The following NECAB2 variants were observed in gnomAD, a reference collection of about 807,000 sequenced individuals.
NECAB2 encodes the protein N-terminal EF-hand calcium binding protein 2.
Under a neutral mutation model 51.9 loss-of-function variants are expected in NECAB2, and 68 were observed. That is an observed-to-expected ratio of 1.31 (90% CI 1.08 to 1.60). The LOEUF (loss-of-function observed/expected upper bound fraction) is 1.60, where lower values mean the gene tolerates loss of function less well. Ranked by LOEUF, NECAB2 falls within the 40% of genes most tolerant of loss-of-function variation. The probability of loss-of-function intolerance (pLI) is 0.00; values close to 1 mark genes in which losing one functional copy is unlikely to be tolerated. For synonymous variants in NECAB2, 329 were observed against 203.5 expected, an observed-to-expected ratio of 1.62 and a Z score of -5.25; for missense variants, 854 against 490.3, an observed-to-expected ratio of 1.74 and a Z score of -7.00.
At chr16:83,982,931 C>CA (rs1328965146) in intron 5 of NECAB2, among the ~76,000 whole-genome samples, 2 of 151,170 alleles carry the variant, frequency 1.3e-5, no homozygotes, top group African/African-American at 4.9e-5. Flanking sequence ...TGCAGTGATA[C>CA]AATGTCGCCT....
Position 83,995,287 on chromosome 16 carries a change from G to A in NECAB2, c.795+599G>A, listed in dbSNP as rs151019411. On this transcript the variant is annotated intron_variant, in intron 8 of 12. Transcript: ENST00000305202. ...TTGTCTTAGGGCCTACAGACAGATG[G>A]GCTCAGGTATCAGTCAGAATTCTGG... 3.8e-3 allele frequency among the ~76,000 whole-genome samples: 580 copies of A among 152,244 alleles called. 4 individuals are homozygous for A. The highest frequency in any genetic ancestry group is 0.014 in the African/African-American group (562 of 41,522).
intron 1 of NECAB2, among the ~76,000 whole-genome samples, chr16:83,970,850 T>C (rs770986528): frequency 9.2e-5 from 14 of 152,150 alleles, no homozygotes; most frequent in Non-Finnish European, 1.3e-4. Flanking sequence ...CCCAGCACTT[T>C]GGGAGGCCGA....
intron 1 of NECAB2, chr16:83,971,783 T>C (rs2084349473): frequency 2.6e-6 from 1 of 385,040 alleles, no homozygotes; most frequent in Non-Finnish European, 4.7e-6. Flanking sequence ...CCTGGGACAC[T>C]GATTCGGAGT....
intron 5 of NECAB2, 145 bp downstream of exon 5, chr16:83,981,272 A>G: frequency 1.5e-6 from 1 of 677,844 alleles, no homozygotes; most frequent in Non-Finnish European, 2.6e-6. Flanking sequence ...TCTTTGAAGC[A>G]GCTGAGATGA....
chr16:83,976,574 T>G (rs2084414113), intron 2 of NECAB2, among the ~76,000 whole-genome samples: 1 of 152,198 alleles, frequency 6.6e-6, no homozygotes, highest in African/African-American at 2.4e-5. Flanking sequence ...TGGCTGACTT[T>G]GCGGACTTTT....
chr16:83,999,700 C>T (rs886421995), intron 10 of NECAB2, among the ~76,000 whole-genome samples: 3 of 152,072 alleles, frequency 2.0e-5, no homozygotes, highest in African/African-American at 4.8e-5. Context: ...GTGCGGGCCC[C>T]TGGGTCCCAT....
chr16:83,993,101 G>A (rs140194437), intron 6 of NECAB2, among the ~76,000 whole-genome samples: 4 of 152,072 alleles, frequency 2.6e-5, no homozygotes, highest in East Asian at 1.9e-4. Context: ...CCCCTCCCTC[G>A]AACTTCCCCA....
In NECAB2 at chr16:83,981,085, C is replaced by T. The variant is rs747726498; in HGVS notation, c.417C>T (p.Thr139=). ...DYEDVLASLE[T]LNHSVLKAMG... The stretch of plus-strand genomic sequence containing the variant: ...AGGATGTCCTGGCCTCCCTGGAGAC[C>T]TTGAATCACTCTGTCCTGAAGGCCA... Residue 139 remains threonine (T), a synonymous_variant, in exon 5 of 13, where the codon ACC becomes ACT. Coordinates refer to ENST00000305202, the MANE Select transcript of NECAB2 (RefSeq NM_019065.3). 6 of 1,614,160 alleles carry T rather than the reference C, an allele frequency of 3.7e-6. No individual in the cohort carries two copies. The highest frequency in any genetic ancestry group is 1.1e-5 in the South Asian group (1 of 91,082).
At chr16:83,977,737 G>C (rs1294629245) in intron 2 of NECAB2, among the ~76,000 whole-genome samples, 20 of 152,216 alleles carry the variant, frequency 1.3e-4, no homozygotes, top group Non-Finnish European at 2.9e-4. Flanking sequence ...AGGTAACTGA[G>C]AACCTCATGC....
intron 5 of NECAB2, among the ~76,000 whole-genome samples, chr16:83,988,880 C>T (rs12599102): frequency 0.095 from 14,483 of 152,230 alleles, 930 homozygotes; most frequent in South Asian, 0.17. Context: ...CACGTGTACC[C>T]CTGTGTCAAA....
intron 2 of NECAB2, among the ~76,000 whole-genome samples, chr16:83,976,554 ACTTAT>A (rs1309995731): frequency 1.3e-5 from 2 of 151,604 alleles, no homozygotes; most frequent in African/African-American, 4.8e-5. Context: ...CTTCGATTTC[ACTTAT>A]CTCGTGGCTG....
intron 5 of NECAB2, among the ~76,000 whole-genome samples, chr16:83,986,919 T>C (rs1358415261): frequency 6.6e-6 from 1 of 152,104 alleles, no homozygotes; most frequent in Non-Finnish European, 1.5e-5. Context: ...GTTGAAACAT[T>C]ACCTCGTAGG....
intron 12 of NECAB2, 25 bp downstream of exon 12, chr16:84,001,941 C>T: frequency 1.2e-6 from 2 of 1,606,906 alleles, no homozygotes; most frequent in Non-Finnish European, 8.5e-7. Context: ...CCTGGAACTG[C>T]AGTGGCCACC....
At chr16:83,976,899 G>T (rs1342279224) in intron 2 of NECAB2, among the ~76,000 whole-genome samples, 5 of 152,218 alleles carry the variant, frequency 3.3e-5, no homozygotes, top group Non-Finnish European at 5.9e-5. Context: ...TGGGAGCACA[G>T]ACAGAAGCAC....
intron 5 of NECAB2, among the ~76,000 whole-genome samples, chr16:83,989,310 C>T (rs1415144052): frequency 6.6e-6 from 1 of 152,166 alleles, no homozygotes; most frequent in African/African-American, 2.4e-5. Context: ...CCCAGCAGAC[C>T]CTGGTCTGGC....
chr16:83,979,958 C>T (rs958867074), intron 3 of NECAB2, among the ~76,000 whole-genome samples: 1 of 152,180 alleles, frequency 6.6e-6, no homozygotes, highest in African/African-American at 2.4e-5. Context: ...GGGTCGCTTT[C>T]TGCAGGACTT....
intron 6 of NECAB2, among the ~76,000 whole-genome samples, chr16:83,992,523 C>G (rs2084639936): frequency 1.3e-5 from 2 of 152,144 alleles, no homozygotes; most frequent in South Asian, 2.1e-4. Flanking sequence ...GGCACCCAAG[C>G]TCGATTGAGC....
intron 6 of NECAB2, among the ~76,000 whole-genome samples, chr16:83,991,845 G>C (rs1366234783): frequency 6.9e-6 from 1 of 144,898 alleles, no homozygotes; most frequent in Non-Finnish European, 1.5e-5. Flanking sequence ...TTGTAGAGAC[G>C]GGGTCTCGCC....
At chr16:83,975,847 A>G (rs2247469) in intron 2 of NECAB2, among the ~76,000 whole-genome samples, 16,224 of 152,226 alleles carry the variant, frequency 0.11, 1,228 homozygotes, top group African/African-American at 0.21. Flanking sequence ...GGTCTCTGGC[A>G]AAAGTGCCAG....
Sources: allele counts gnomAD v4.1 joint callset (sites outside exome capture counted in the v4.1 genomes callset), GRCh38; gene constraint gnomAD v4.1.1; transcripts MANE v1.5; gene names NCBI Gene and HGNC (gene_info 2026-07-23, HGNC 2026-07-21).